The following CIMIP6 variants were observed in gnomAD, a reference collection of about 807,000 sequenced individuals.
CIMIP6 encodes uncharacterized protein C2orf73.
At chr2:54,341,912 T>C in the CIMIP6 span, among the ~76,000 whole-genome samples, 2 of 152,210 alleles carry the variant, frequency 1.3e-5, no homozygotes, top group African/African-American at 4.8e-5. Context: ...TTCAGCCAGA[T>C]AGTGAGAAGA....
chr2:54,356,843 T>C, the CIMIP6 span, among the ~76,000 whole-genome samples: 1 of 152,226 alleles, frequency 6.6e-6, no homozygotes, highest in African/African-American at 2.4e-5. Context: ...ATGCATGCTT[T>C]GGATACTTCA....
chr2:54,358,632 C>T, the CIMIP6 span, among the ~76,000 whole-genome samples: 1 of 152,076 alleles, frequency 6.6e-6, no homozygotes, highest in Admixed American at 6.6e-5. Context: ...TGGGCTCAAG[C>T]AATCCTCCTG....
At chr2:54,334,774 T>C in the CIMIP6 span, 2 of 1,307,838 alleles carry the variant, frequency 1.5e-6, no homozygotes, top group Non-Finnish European at 2.1e-6. Flanking sequence ...CTCAATATTT[T>C]AATGGTTACT....
the CIMIP6 span, among the ~76,000 whole-genome samples, chr2:54,378,744 C>A: frequency 6.6e-6 from 1 of 152,204 alleles, no homozygotes; most frequent in Non-Finnish European, 1.5e-5. Flanking sequence ...GTCCCCTCTA[C>A]TCTGTTTAAA....
the CIMIP6 span, among the ~76,000 whole-genome samples, chr2:54,354,755 T>C: frequency 1.8e-4 from 28 of 152,192 alleles, no homozygotes; most frequent in East Asian, 5.4e-3. Flanking sequence ...TTCAGGTAAT[T>C]ATATTACCTA....
the CIMIP6 span, among the ~76,000 whole-genome samples, chr2:54,351,633 AGGAG>A: frequency 6.6e-6 from 1 of 152,144 alleles, no homozygotes; most frequent in Non-Finnish European, 1.5e-5. Flanking sequence ...GGAGGGTGGG[AGGAG>A]GGAGATAATC....
chr2:54,364,053 G>C, the CIMIP6 span, among the ~76,000 whole-genome samples: 2 of 152,174 alleles, frequency 1.3e-5, no homozygotes, highest in South Asian at 2.1e-4. Flanking sequence ...TCCTCACAAT[G>C]ACTGAAAGTC....
At chr2:54,352,835 A>G in the CIMIP6 span, among the ~76,000 whole-genome samples, 1 of 152,110 alleles carries the variant, frequency 6.6e-6, no homozygotes, top group Non-Finnish European at 1.5e-5. Flanking sequence ...TTTTATTTGT[A>G]TTATTTTTGT....
the CIMIP6 span, among the ~76,000 whole-genome samples, chr2:54,381,692 C>A: frequency 1.4e-3 from 214 of 152,360 alleles, 1 homozygote; most frequent in African/African-American, 4.9e-3. Flanking sequence ...CAGCCTTCCT[C>A]ATCCTTTCAC....
chr2:54,360,147 C>T, the CIMIP6 span: 3 of 1,470,426 alleles, frequency 2.0e-6, no homozygotes, highest in Non-Finnish European at 1.8e-6. Flanking sequence ...TTCACAGCTG[C>T]ATCTTCCAGC....
chr2:54,334,460 A>T, the CIMIP6 span, among the ~76,000 whole-genome samples: 1 of 152,190 alleles, frequency 6.6e-6, no homozygotes, highest in African/African-American at 2.4e-5. Flanking sequence ...AAAACTTTTA[A>T]AGAAGTTGAG....
At chr2:54,334,763 A>C in the CIMIP6 span, 1 of 1,180,764 alleles carries the variant, frequency 8.5e-7, no homozygotes, top group Non-Finnish European at 1.2e-6. Flanking sequence ...CATAATTTTG[A>C]CTCAATATTT....
At chr2:54,350,892 G>A in the CIMIP6 span, among the ~76,000 whole-genome samples, 1 of 152,126 alleles carries the variant, frequency 6.6e-6, no homozygotes, top group African/African-American at 2.4e-5. Context: ...TTACTCCACT[G>A]TCTCCTGGAT....
the CIMIP6 span, among the ~76,000 whole-genome samples, chr2:54,348,065 G>T: frequency 3.3e-5 from 5 of 152,148 alleles, no homozygotes; most frequent in Admixed American, 1.3e-4. Flanking sequence ...AAGAATGGGG[G>T]AAATGCACAT....
At chr2:54,373,355 A>T in the CIMIP6 span, among the ~76,000 whole-genome samples, 1 of 151,868 alleles carries the variant, frequency 6.6e-6, no homozygotes, top group African/African-American at 2.4e-5. Context: ...CCATGGCTGT[A>T]ACTTCTTACT....
the CIMIP6 span, among the ~76,000 whole-genome samples, chr2:54,371,864 C>T: frequency 2.0e-5 from 3 of 152,174 alleles, no homozygotes; most frequent in African/African-American, 4.8e-5. Flanking sequence ...TCCGAAGTCA[C>T]GGCTCTGTCA....
chr2:54,361,265 A>G, the CIMIP6 span: 1 of 152,286 alleles, frequency 6.6e-6, no homozygotes, highest in African/African-American at 2.4e-5. Context: ...TAGAATATTG[A>G]AGTATTTTCT....
At chr2:54,379,569 G>A in the CIMIP6 span, among the ~76,000 whole-genome samples, 3 of 152,116 alleles carry the variant, frequency 2.0e-5, no homozygotes, top group Admixed American at 6.5e-5. Flanking sequence ...TCCAGGCATG[G>A]TGGCTCATGC....
chr2:54,367,470 T>G, the CIMIP6 span, among the ~76,000 whole-genome samples: 1 of 152,080 alleles, frequency 6.6e-6, no homozygotes, highest in African/African-American at 2.4e-5. Context: ...GGATTTTTTT[T>G]GAAAAAGCAA....
Sources: allele counts gnomAD v4.1 joint callset (sites outside exome capture counted in the v4.1 genomes callset), GRCh38; gene constraint gnomAD v4.1.1; transcripts MANE v1.5; gene names NCBI Gene and HGNC (gene_info 2026-07-23, HGNC 2026-07-21).